The following SAMD5 variants were observed in gnomAD, a reference collection of about 807,000 sequenced individuals.
SAMD5 encodes sterile alpha motif domain-containing protein 5.
SAMD5 carries 13 observed loss-of-function variants against 11.3 expected under a neutral mutation model. The observed-to-expected ratio is 1.15, with a 90% CI of 0.75 to 1.83. The LOEUF (loss-of-function observed/expected upper bound fraction) is 1.83, where lower values mean the gene tolerates loss of function less well. SAMD5 is among the 40% of genes most tolerant of loss of function. The probability of loss-of-function intolerance (pLI) is 0.00; values close to 1 mark genes in which losing one functional copy is unlikely to be tolerated. For missense variants in SAMD5, 255 were observed against 239.1 expected (o/e 1.07, Z -0.44); for synonymous variants, 129 against 111.3 (o/e 1.16, Z -1.00).
At chr6:147,680,027 A>T (rs926004887) in intron 1 of SAMD5, among the ~76,000 whole-genome samples, 3 of 150,926 alleles carry the variant, frequency 2.0e-5, no homozygotes, top group South Asian at 2.1e-4. Context: ...TCTTGAAATC[A>T]GGTAATGTAA....
intron 1 of SAMD5, among the ~76,000 whole-genome samples, chr6:147,734,987 C>A (rs577777995): frequency 3.3e-5 from 5 of 151,984 alleles, no homozygotes; most frequent in Non-Finnish European, 7.4e-5. Flanking sequence ...CACTAAACCA[C>A]GTAATTTTTG....
In SAMD5 at chr6:147,515,704, A is replaced by ATGG. The variant is rs370847968; in HGVS notation, c.459+6319_459+6321dup. Among the ~76,000 whole-genome samples the ATGG allele has an allele frequency of 5.1e-3, 771 of 152,232 alleles. 6 individuals are homozygous for ATGG. Among genetic ancestry groups the ATGG allele is most frequent in the African/African-American group, 0.017 (709 of 41,538 alleles). ...CACAATTGCAAGGAACTAGACAGAC[A>ATGG]TGGTCTCTGCTTGTATGTGGAGGCC... On this transcript the variant is annotated intron_variant, in intron 1 of 1. Transcript: ENST00000367474.
intron 1 of SAMD5, among the ~76,000 whole-genome samples, chr6:147,542,599 C>T (rs12664142): frequency 0.097 from 14,766 of 152,050 alleles, 988 homozygotes; most frequent in East Asian, 0.21. Context: ...TCTTTTTGCG[C>T]TGAGTCAGTT....
chr6:147,795,980 G>A, the SAMD5 span, among the ~76,000 whole-genome samples: 10 of 148,672 alleles, frequency 6.7e-5, no homozygotes, highest in Admixed American at 3.3e-4. Context: ...TTTGTCAGAT[G>A]AGTAGGTTGC....
chr6:147,757,189 G>A, the SAMD5 span, among the ~76,000 whole-genome samples: 5 of 152,170 alleles, frequency 3.3e-5, no homozygotes, highest in South Asian at 2.1e-4. Context: ...ATTTCTTTAC[G>A]GAGACACTTT....
At chr6:147,776,766 C>T in the SAMD5 span, among the ~76,000 whole-genome samples, 24,024 of 152,120 alleles carry the variant, frequency 0.16, 2,015 homozygotes, top group African/African-American at 0.21. Context: ...GGAGAACAAA[C>T]AGTTTTTCAG....
the SAMD5 span, among the ~76,000 whole-genome samples, chr6:147,780,373 A>G: frequency 6.6e-6 from 1 of 151,936 alleles, no homozygotes; most frequent in African/African-American, 2.4e-5. Context: ...ACCCCTGGCT[A>G]ATTTTTGTAT....
chr6:147,816,281 C>CAAAAAAAAAAAAAAAAAAA, the SAMD5 span, among the ~76,000 whole-genome samples: 1 of 27,834 alleles, frequency 3.6e-5, no homozygotes, highest in African/African-American at 1.6e-4. Flanking sequence ...ACTCCGTCTC[C>CAAAAAAAAAAAAAAAAAAA]AAAAAAAAAA....
chr6:147,706,266 G>A (rs1042030665), intron 1 of SAMD5, among the ~76,000 whole-genome samples: 1 of 152,060 alleles, frequency 6.6e-6, no homozygotes, highest in Middle Eastern at 3.2e-3. Context: ...TTGTTACCCA[G>A]GCTGGAGTGC....
At chr6:147,852,888 G>A in the SAMD5 span, among the ~76,000 whole-genome samples, 2 of 152,124 alleles carry the variant, frequency 1.3e-5, no homozygotes, top group Non-Finnish European at 1.5e-5. Context: ...TAACTAATTT[G>A]TTAGGAATAT....
chr6:147,627,226 T>G (rs1790068698), intron 1 of SAMD5, among the ~76,000 whole-genome samples: 2 of 152,124 alleles, frequency 1.3e-5, no homozygotes, highest in African/African-American at 4.8e-5. Flanking sequence ...GTGTCAAAAG[T>G]TACCTGGTAA....
the SAMD5 span, among the ~76,000 whole-genome samples, chr6:147,904,983 G>A: frequency 6.0e-5 from 9 of 151,178 alleles, no homozygotes; most frequent in Non-Finnish European, 8.8e-5. Context: ...CTGCCTCCTG[G>A]ATTCAAGCAA....
the SAMD5 span, among the ~76,000 whole-genome samples, chr6:147,819,787 G>C: frequency 6.6e-6 from 1 of 152,208 alleles, no homozygotes; most frequent in Non-Finnish European, 1.5e-5. Context: ...TGGGGCTCAA[G>C]GAGGTGACAA....
the SAMD5 span, among the ~76,000 whole-genome samples, chr6:147,892,677 G>C: frequency 6.6e-6 from 1 of 152,138 alleles, no homozygotes; most frequent in Non-Finnish European, 1.5e-5. Flanking sequence ...AATATTCGGA[G>C]AGCTTGGAAT....
At chr6:147,796,468 A>G in the SAMD5 span, among the ~76,000 whole-genome samples, 1 of 152,138 alleles carries the variant, frequency 6.6e-6, no homozygotes, top group Non-Finnish European at 1.5e-5. Context: ...TGGTTACTGT[A>G]GCCTTGTAGT....
intron 1 of SAMD5, among the ~76,000 whole-genome samples, chr6:147,717,578 T>G (rs1791486137): frequency 6.6e-6 from 1 of 152,218 alleles, no homozygotes; most frequent in African/African-American, 2.4e-5. Flanking sequence ...CTCCTTCACC[T>G]TCCATCTGTG....
the SAMD5 span, among the ~76,000 whole-genome samples, chr6:147,900,383 C>T: frequency 5.4e-3 from 827 of 152,312 alleles, 12 homozygotes; most frequent in African/African-American, 0.019. Context: ...CACTGGGAAA[C>T]GAGCCAGTTC....
chr6:147,558,585 A>G (rs924978812), intron 1 of SAMD5, among the ~76,000 whole-genome samples: 9 of 151,800 alleles, frequency 5.9e-5, no homozygotes, highest in South Asian at 4.2e-4. Context: ...CTTGGTGGCT[A>G]TTTTCGAATC....
the SAMD5 span, among the ~76,000 whole-genome samples, chr6:147,810,575 A>T: frequency 1.3e-5 from 2 of 152,202 alleles, no homozygotes; most frequent in African/African-American, 4.8e-5. Context: ...AAGGAATGAA[A>T]CATAGTGCTG....
Sources: allele counts gnomAD v4.1 joint callset (sites outside exome capture counted in the v4.1 genomes callset), GRCh38; gene constraint gnomAD v4.1.1; transcripts MANE v1.5; gene names NCBI Gene and HGNC (gene_info 2026-07-23, HGNC 2026-07-21).